CNOT10: variants seen among roughly 807,000 people sequenced by gnomAD.
The protein encoded by CNOT10 is CCR4-NOT transcription complex, subunit 10.
Under a neutral mutation model 94.6 loss-of-function variants are expected in CNOT10, and 30 were observed. The ratio of observed to expected loss-of-function variants is 0.32; its 90% CI spans 0.24 to 0.43. The LOEUF is 0.43. Among genes scored for constraint, CNOT10 ranks in the 20% least tolerant of loss-of-function variants. The probability of loss-of-function intolerance (pLI) is 1.00; values close to 1 mark genes in which losing one functional copy is unlikely to be tolerated. For synonymous variants in CNOT10, 289 were observed against 301.6 expected, an observed-to-expected ratio of 0.96 and a Z score of 0.43; for missense variants, 759 against 877.2, an observed-to-expected ratio of 0.87 and a Z score of 1.70.
At position 32,762,868 on chromosome 3, in the gene CNOT10, A is replaced by AT; in HGVS notation, c.1840+6dup. ...CTTCAAATGAGCAGGACCAAGGTTA[A>AT]TGAGGACATCTTTGATCAGAACTGG... On this transcript the variant is annotated splice_donor_region_variant and intron_variant, in intron 15 of 18. Coordinates refer to ENST00000328834, the MANE Select transcript of CNOT10 (RefSeq NM_015442.3). 1 of 1,532,990 alleles carries AT rather than the reference A, an allele frequency of 6.5e-7. No homozygotes were observed. Among genetic ancestry groups the AT allele is most frequent in the Non-Finnish European group, 8.7e-7 (1 of 1,152,162 alleles). 95.0% of individuals were successfully genotyped at this position (1,532,990 alleles called of 1,614,324 possible).
At chr3:32,728,015 AGACGGAG>A (rs1698762583) in intron 10 of CNOT10, 145 bp downstream of exon 10, 15 of 555,526 alleles carry the variant, frequency 2.7e-5, no homozygotes, top group East Asian at 3.8e-5. Flanking sequence ...TTATTTTTTG[AGACGGAG>A]TTTCTCTCTT....
rs1559488286 is a variant in CNOT10 at position 32,716,328 on chromosome 3, AG to A, written c.660+23del. 3 of 1,300,500 alleles carry A rather than the reference AG, an allele frequency of 2.3e-6. No individual in the cohort carries two copies. Among genetic ancestry groups the A allele is most frequent in the South Asian group, 1.2e-5 (1 of 80,330 alleles). 80.6% of individuals were successfully genotyped at this position (1,300,500 alleles called of 1,614,324 possible). ...ATACATCAGGTAGTATAAATTTTAAAGGGGGGCAATACATCACATATATTTA... is the reference window on the plus strand; with the variant it reads ...ATACATCAGGTAGTATAAATTTTAAAGGGGGCAATACATCACATATATTTA... On this transcript the variant is annotated intron_variant, in intron 6 of 18. Coordinates refer to ENST00000328834, the MANE Select transcript of CNOT10 (RefSeq NM_015442.3).
At chr3:32,709,112 C>G (rs547416030) in intron 4 of CNOT10, among the ~76,000 whole-genome samples, 1 of 152,168 alleles carries the variant, frequency 6.6e-6, no homozygotes, top group Non-Finnish European at 1.5e-5. Context: ...TGTACCTGAT[C>G]CTTTCTTACT....
intron 1 of CNOT10, among the ~76,000 whole-genome samples, chr3:32,691,252 C>T (rs932995745): frequency 6.6e-6 from 1 of 150,960 alleles, no homozygotes; most frequent in Non-Finnish European, 1.5e-5. Flanking sequence ...ACCTCTGTCT[C>T]CTGGGTTCAA....
rs757757900 is a variant in CNOT10, at chr3:32,720,897, TCC to T, written c.862+667_862+668del. 8.5e-5 allele frequency among the ~76,000 whole-genome samples: 5 copies of T among 59,068 alleles called. No individual in the cohort carries two copies. The South Asian group carries it at 2.2e-3, about 26-fold the overall frequency. The allele number at this position is 59,068 out of a possible 152,430, so 38.8% of individuals were successfully genotyped here. Reference sequence around the variant, plus strand: ...CCTTCTTTCTTTTCCTTCTTTTCCTTCCTTCCTTCCTTCCTTCCTTCCTTCCT... The same window carrying T: ...CCTTCTTTCTTTTCCTTCTTTTCCTTTTCCTTCCTTCCTTCCTTCCTTCCT... On this transcript the variant is annotated intron_variant, in intron 8 of 18. Transcript: ENST00000328834.
intron 13 of CNOT10, among the ~76,000 whole-genome samples, chr3:32,743,351 C>T (rs1474846631): frequency 1.3e-5 from 2 of 151,938 alleles, no homozygotes; most frequent in Non-Finnish European, 2.9e-5. Flanking sequence ...TTGTTTCTGC[C>T]AGGTGTGGTG....
intron 16 of CNOT10, 74 bp from the exon 17 acceptor site, chr3:32,764,608 C>G: frequency 6.2e-7 from 1 of 1,604,068 alleles, no homozygotes; most frequent in Non-Finnish European, 8.5e-7. Flanking sequence ...AGTGGCTCCT[C>G]AAGGCGATAG....
At chr3:32,770,057 G>A in intron 18 of CNOT10, 95 bp downstream of exon 18, 1 of 916,062 alleles carries the variant, frequency 1.1e-6, no homozygotes, top group Non-Finnish European at 1.8e-6. Flanking sequence ...CCAGGCTGGA[G>A]TGCAGTGGTA....
chr3:32,729,526 G>A (rs897731755), intron 10 of CNOT10, among the ~76,000 whole-genome samples: 5 of 152,096 alleles, frequency 3.3e-5, no homozygotes, highest in East Asian at 1.9e-4. Flanking sequence ...CTCTCCTCCC[G>A]CTGAACAGCA....
chr3:32,722,308 T>C (rs1698459104), intron 8 of CNOT10, among the ~76,000 whole-genome samples: 1 of 152,230 alleles, frequency 6.6e-6, no homozygotes, highest in Non-Finnish European at 1.5e-5. Context: ...ACTTTTTCCT[T>C]ATAATTCTCT....
Position 32,687,439 on chromosome 3 carries a change from G to GTTTTTTTTTTTGTTTTTTTTTTTTTTTTT in CNOT10, c.22+1968_22+1969insGTTTTTTTTTTTTTTTTTTTTTTTTTTTT, listed in dbSNP as rs1553626981. Among the ~76,000 whole-genome samples, 18 of 51,312 alleles carry GTTTTTTTTTTTGTTTTTTTTTTTTTTTTT rather than the reference G, an allele frequency of 3.5e-4. 5 individuals carry two copies. Among genetic ancestry groups the GTTTTTTTTTTTGTTTTTTTTTTTTTTTTT allele is most frequent in the Non-Finnish European group, 3.8e-4 (11 of 29,276 alleles). 33.7% of individuals were successfully genotyped at this position (51,312 alleles called of 152,430 possible). A position where few individuals can be genotyped will look rare whatever the true frequency, so the allele number is the denominator to read the frequency against. On this transcript the variant is annotated intron_variant, in intron 1 of 18. Transcript: ENST00000328834. ...TTCTTTCTCCTTTTAAGTCCTCACG[G>GTTTTTTTTTTTGTTTTTTTTTTTTTTTTT]TTTTTTTTTTTTGTTTTTTTTTTTT...
intron 10 of CNOT10, among the ~76,000 whole-genome samples, chr3:32,733,179 T>C (rs946553166): frequency 6.6e-6 from 1 of 152,194 alleles, no homozygotes; most frequent in African/African-American, 2.4e-5. Context: ...CATAATTGAA[T>C]TGGATTTTGT....
intron 9 of CNOT10, among the ~76,000 whole-genome samples, chr3:32,727,154 A>T (rs1698711637): frequency 6.6e-6 from 1 of 151,968 alleles, no homozygotes; most frequent in African/African-American, 2.4e-5. Context: ...TGAAAATTTT[A>T]AAAAGTGGAA....
At chr3:32,730,307 C>T (rs1410274744) in intron 10 of CNOT10, among the ~76,000 whole-genome samples, 1 of 151,994 alleles carries the variant, frequency 6.6e-6, no homozygotes, top group Admixed American at 6.6e-5. Context: ...TACAAGGTCT[C>T]CTCCCCTCCC....
intron 8 of CNOT10, 58 bp downstream of exon 8, chr3:32,720,289 G>T (rs1698311548): frequency 4.0e-6 from 3 of 756,306 alleles, no homozygotes; most frequent in African/African-American, 1.7e-5. Flanking sequence ...ACCCCTTCTT[G>T]CTTGTCCACC....
intron 14 of CNOT10, 85 bp downstream of exon 14, chr3:32,759,656 C>A: frequency 1.1e-6 from 1 of 892,182 alleles, no homozygotes; most frequent in Non-Finnish European, 1.8e-6. Context: ...CTTCTTTTGA[C>A]TCCTCCAGTG....
At chr3:32,710,782 G>A (rs1023088454) in intron 4 of CNOT10, among the ~76,000 whole-genome samples, 14 of 152,042 alleles carry the variant, frequency 9.2e-5, no homozygotes, top group Admixed American at 7.2e-4. Context: ...GTGCAGTGGC[G>A]TGAACTCCAC....
intron 5 of CNOT10, among the ~76,000 whole-genome samples, chr3:32,714,001 A>T (rs972604840): frequency 2.0e-5 from 3 of 152,144 alleles, no homozygotes; most frequent in Admixed American, 2.0e-4. Context: ...TTGTGTGGAT[A>T]TATGTTTTCA....
Position 32,722,096 on chromosome 3 carries a change from C to G in CNOT10, c.862+1865C>G, listed in dbSNP as rs543372589. ...GGCAGGAGAAGGAAAATCACTTATT[C>G]GAGAAATGAGGATAAACTATTGAAA... On this transcript the variant is annotated intron_variant, in intron 8 of 18. Coordinates refer to ENST00000328834, the MANE Select transcript of CNOT10 (RefSeq NM_015442.3). Among the ~76,000 whole-genome samples the G allele has an allele frequency of 2.3e-3, 350 of 152,174 alleles. 2 individuals are homozygous for G. Among genetic ancestry groups the G allele is most frequent in the African/African-American group, 8.1e-3 (337 of 41,506 alleles).
Sources: gnomAD v4.1 joint callset for allele counts (sites outside exome capture counted in the v4.1 genomes callset) on GRCh38, gnomAD v4.1.1 for gene constraint, MANE v1.5 for transcripts, NCBI Gene and HGNC (gene_info 2026-07-23, HGNC 2026-07-21) for gene names.